Variants in PEAK1 observed in about 807,000 individuals in gnomAD.
PEAK1 encodes the protein pseudopodium enriched atypical kinase 1, also known as inactive tyrosine-protein kinase PEAK1.
PEAK1 carries 54 observed loss-of-function variants against 124.7 expected under a neutral mutation model. That is an observed-to-expected ratio of 0.43 (90% CI 0.35 to 0.54). The LOEUF (loss-of-function observed/expected upper bound fraction) is 0.54. PEAK1 is among the 20% of genes least tolerant of loss of function. The pLI, the probability that PEAK1 is intolerant of heterozygous loss-of-function variation, is 0.01. For missense variants in PEAK1, 2,046 were observed against 2,134.5 expected, an observed-to-expected ratio of 0.96 and a Z score of 0.82; for synonymous variants, 719 against 760.0, an observed-to-expected ratio of 0.95 and a Z score of 0.89.
chr15:77,368,222 T>C (rs2068388403), intron 1 of PEAK1, among the ~76,000 whole-genome samples: 1 of 152,108 alleles, frequency 6.6e-6, no homozygotes, highest in African/African-American at 2.4e-5. Flanking sequence ...ACTTAAAAAA[T>C]TAAAAGTTTT....
intron 6 of PEAK1, among the ~76,000 whole-genome samples, chr15:77,211,679 C>T (rs1244403270): frequency 2.0e-5 from 3 of 151,832 alleles, no homozygotes; most frequent in Non-Finnish European, 4.4e-5. Flanking sequence ...GAAACCCCGT[C>T]TCTACTAAAA....
At position 77,110,069 on chromosome 15, in the gene PEAK1, G is replaced by A. The variant is rs2050895191; in HGVS notation, c.*4087C>T. ...CAAAGTATTCATAACTCAAAATTGAGACGCTTAGTAGGACCCAAAGATCTT... is the reference window on the plus strand; with the variant it reads ...CAAAGTATTCATAACTCAAAATTGAAACGCTTAGTAGGACCCAAAGATCTT... On this transcript the variant is annotated 3_prime_UTR_variant, in exon 10 of 10. Coordinates refer to ENST00000682557, the MANE Select transcript of PEAK1 (RefSeq NM_001385026.1). The A allele has an allele frequency of 6.6e-6, 1 of 152,118 alleles. No homozygotes were observed. Among genetic ancestry groups the A allele is most frequent in the Non-Finnish European group, 1.5e-5 (1 of 68,016 alleles). 9.4% of individuals were successfully genotyped at this position (152,118 alleles called of 1,614,324 possible). A position where few individuals can be genotyped will look rare whatever the true frequency, so the allele number is the denominator to read the frequency against.
intron 2 of PEAK1, among the ~76,000 whole-genome samples, chr15:77,312,733 G>A (rs2064554321): frequency 6.6e-6 from 1 of 152,188 alleles, no homozygotes; most frequent in Non-Finnish European, 1.5e-5. Flanking sequence ...CTGGCAGGAA[G>A]AAGGCTGAAG....
At chr15:77,402,501 A>G (rs2071458027) in intron 1 of PEAK1, 1 of 966,384 alleles carries the variant, frequency 1.0e-6, no homozygotes, top group Non-Finnish European at 1.2e-6. Context: ...TTACATGTTA[A>G]AATTATTAGT....
rs1299194231 is a variant in PEAK1 at position 77,179,542 on chromosome 15, C to T, written c.2385G>A (p.Glu795=). The T allele has an allele frequency of 3.1e-6, 5 of 1,613,986 alleles. No individual in the cohort carries two copies. The highest frequency in any genetic ancestry group is 4.2e-6 in the Non-Finnish European group (5 of 1,180,008). ...CAGCATCTGGAGGAATGGCATAAAG[C>T]TCTTCCACACTGCAAGCTTTAGGGC... ...QSGPKACSVE[E]LYAIPPDADV... is the part of the protein sequence containing the mutation. Residue 795 remains glutamate, a synonymous_variant, in exon 7 of 10, where the codon GAG becomes GAA. Transcript: ENST00000682557.
At chr15:77,131,519 A>T (rs1252706213) in intron 9 of PEAK1, among the ~76,000 whole-genome samples, 3 of 152,070 alleles carry the variant, frequency 2.0e-5, no homozygotes, top group African/African-American at 7.2e-5. Flanking sequence ...AAACAACAAC[A>T]AAAAACTCAG....
intron 8 of PEAK1, among the ~76,000 whole-genome samples, chr15:77,144,384 C>T (rs1432385124): frequency 6.6e-6 from 1 of 152,244 alleles, no homozygotes; most frequent in African/African-American, 2.4e-5. Context: ...TACTCCTCCA[C>T]CTCAAACTGG....
At chr15:77,247,617 A>G (rs2060658204) in intron 6 of PEAK1, among the ~76,000 whole-genome samples, 1 of 150,376 alleles carries the variant, frequency 6.6e-6, no homozygotes, top group Admixed American at 6.6e-5. Context: ...CTGGGATTAC[A>G]GGTGTGTGCC....
In PEAK1 at chr15:77,144,094, G is replaced by A. The variant is rs74340446; in HGVS notation, c.3332-10344C>T. On this transcript the variant is annotated intron_variant, in intron 8 of 9. Coordinates refer to ENST00000682557, the MANE Select transcript of PEAK1 (RefSeq NM_001385026.1). ...CCTCAGAACTGACAAGGGAGAGAAG[G>A]TCTATCATCATCAGCAGCTCTTTAA... Among the ~76,000 whole-genome samples the A allele has an allele frequency of 4.3e-3, 652 of 152,266 alleles. 1 individual carries two copies. The highest frequency in any genetic ancestry group is 0.013 in the African/African-American group (557 of 41,544).
chr15:77,386,657 G>C (rs774459228), intron 1 of PEAK1, among the ~76,000 whole-genome samples: 1 of 152,164 alleles, frequency 6.6e-6, no homozygotes, highest in Admixed American at 6.5e-5. Flanking sequence ...GAGACTCAGA[G>C]ATAGAAGGGC....
intron 1 of PEAK1, among the ~76,000 whole-genome samples, chr15:77,405,155 G>A (rs754914204): frequency 2.0e-5 from 3 of 151,972 alleles, no homozygotes; most frequent in Non-Finnish European, 2.9e-5. Flanking sequence ...ACAGGTGCAC[G>A]CCACCACACC....
intron 7 of PEAK1, among the ~76,000 whole-genome samples, chr15:77,163,963 A>T (rs1212265244): frequency 6.6e-6 from 1 of 152,196 alleles, no homozygotes. Context: ...GTTGCTGGGG[A>T]TAACGGAACT....
intron 5 of PEAK1, among the ~76,000 whole-genome samples, chr15:77,255,845 T>C (rs1358106958): frequency 6.6e-6 from 1 of 152,212 alleles, no homozygotes; most frequent in African/African-American, 2.4e-5. Context: ...CTGAGCATTC[T>C]AACAGGGGAC....
At position 77,113,982 on chromosome 15, in the gene PEAK1, C is replaced by T; in HGVS notation, c.*174G>A. On this transcript the variant is annotated 3_prime_UTR_variant, in exon 10 of 10. Transcript: ENST00000682557. ...TGTAAAGTTAAGACAGACTCAGCTT[C>T]TCATTCAATCTGGGGCAGTGGATAA... 3.0e-6 allele frequency: 2 copies of T among 661,626 alleles called. No homozygotes were observed. The highest frequency in any genetic ancestry group is 5.1e-6 in the Non-Finnish European group (2 of 393,734). The allele number at this position is 661,626 out of a possible 1,614,324, so 41.0% of individuals were successfully genotyped here.
intron 2 of PEAK1, among the ~76,000 whole-genome samples, chr15:77,345,436 C>T (rs2066815996): frequency 6.6e-6 from 1 of 152,176 alleles, no homozygotes; most frequent in Non-Finnish European, 1.5e-5. Context: ...TTTAGTGACA[C>T]AAACTCTTTG....
At chr15:77,355,336 A>C (rs933900519) in intron 2 of PEAK1, among the ~76,000 whole-genome samples, 2 of 152,220 alleles carry the variant, frequency 1.3e-5, no homozygotes, top group Non-Finnish European at 2.9e-5. Context: ...ACTATTATAC[A>C]TACTTATTAT....
intron 1 of PEAK1, chr15:77,404,654 A>G (rs750151324): frequency 2.1e-6 from 2 of 951,964 alleles, no homozygotes; most frequent in Middle Eastern, 5.3e-4. Flanking sequence ...TTTGAGACAT[A>G]TTCTTCGAGA....
chr15:77,264,469 CAGAG>C (rs2061609816), intron 5 of PEAK1, among the ~76,000 whole-genome samples: 1 of 152,124 alleles, frequency 6.6e-6, no homozygotes, highest in African/African-American at 2.4e-5. Flanking sequence ...AACAGACAAA[CAGAG>C]AGCCAAATCA....
chr15:77,289,962 C>T (rs2063129629), intron 2 of PEAK1, among the ~76,000 whole-genome samples: 1 of 152,120 alleles, frequency 6.6e-6, no homozygotes, highest in African/African-American at 2.4e-5. Context: ...GAAAAAGATG[C>T]TGTTATAATT....
Sources: gnomAD v4.1 joint callset for allele counts (sites outside exome capture counted in the v4.1 genomes callset) on GRCh38, gnomAD v4.1.1 for gene constraint, MANE v1.5 for transcripts, NCBI Gene and HGNC (gene_info 2026-07-23, HGNC 2026-07-21) for gene names.